The following MARCHF1 variants were observed in gnomAD, a reference collection of about 807,000 sequenced individuals.
MARCHF1 encodes membrane associated ring-CH-type finger 1, also known as E3 ubiquitin-protein ligase MARCHF1.
A neutral mutation model predicts 54.2 loss-of-function variants in MARCHF1; 40 were observed. The observed-to-expected ratio is 0.74, with a 90% CI of 0.57 to 0.96. MARCHF1 has a LOEUF of 0.96. Among genes scored for constraint, MARCHF1 ranks in the 40% least tolerant of loss-of-function variants. MARCHF1 has a pLI of 0.00. For synonymous variants in MARCHF1, 236 were observed against 236.3 expected (o/e 1.00, Z 0.01); for missense variants, 586 against 656.5 (o/e 0.89, Z 1.17).
chr4:164,232,568 G>A (rs111315040), intron 1 of MARCHF1, among the ~76,000 whole-genome samples: 10 of 152,234 alleles, frequency 6.6e-5, no homozygotes, highest in South Asian at 2.1e-4. Flanking sequence ...ACCCTTGGCC[G>A]ATATGCAGCC....
At chr4:163,912,819 G>A (rs1014200999) in intron 3 of MARCHF1, among the ~76,000 whole-genome samples, 2 of 152,076 alleles carry the variant, frequency 1.3e-5, no homozygotes, top group African/African-American at 2.4e-5. Context: ...ATTTCTGCAG[G>A]AATAACAGAA....
At chr4:164,222,305 G>T (rs1323122087) in intron 1 of MARCHF1, among the ~76,000 whole-genome samples, 1 of 148,552 alleles carries the variant, frequency 6.7e-6, no homozygotes, top group East Asian at 2.0e-4. Context: ...TGTTCATTTT[G>T]ATTGTTTCTT....
chr4:164,135,926 C>T (rs1756391939), intron 1 of MARCHF1, among the ~76,000 whole-genome samples: 1 of 151,824 alleles, frequency 6.6e-6, no homozygotes, highest in Admixed American at 6.6e-5. Context: ...TTCTAAAGGC[C>T]CAAAGGTAAA....
In MARCHF1 at chr4:163,788,104, T is replaced by A. The variant is rs146662576; in HGVS notation, c.111+65917A>T. On this transcript the variant is annotated intron_variant, in intron 4 of 9. Transcript: ENST00000514618. ...AAATTAGAGTTTAATGGGAATAGAT[T>A]TTCAGATTTGCGTGATGGAAAAAGT... is the stretch of plus-strand genomic sequence containing the variant. Among the ~76,000 whole-genome samples the A allele has an allele frequency of 9.9e-3, 1,509 of 151,966 alleles. 15 individuals carry two copies. Among genetic ancestry groups the A allele is most frequent in the Admixed American group, 0.016 (237 of 15,214 alleles).
intron 1 of MARCHF1, among the ~76,000 whole-genome samples, chr4:164,152,574 T>C (rs1193257545): frequency 3.3e-5 from 5 of 152,152 alleles, no homozygotes; most frequent in African/African-American, 1.2e-4. Context: ...CCCTGCAAAG[T>C]CTCTTGGGGG....
intron 5 of MARCHF1, among the ~76,000 whole-genome samples, chr4:163,622,025 C>A (rs146836289): frequency 4.4e-4 from 67 of 152,094 alleles, no homozygotes; most frequent in African/African-American, 1.6e-3. Context: ...TAGTTCCCTC[C>A]CACCCCCAGC....
intron 2 of MARCHF1, among the ~76,000 whole-genome samples, chr4:164,104,111 T>G (rs1389364447): frequency 1.3e-3 from 194 of 150,092 alleles, no homozygotes; most frequent in African/African-American, 4.6e-3. Flanking sequence ...GCTGAAATTG[T>G]GGCAATAATC....
chr4:164,077,559 A>C (rs1196452005), intron 2 of MARCHF1, among the ~76,000 whole-genome samples: 1 of 152,264 alleles, frequency 6.6e-6, no homozygotes, highest in Non-Finnish European at 1.5e-5. Flanking sequence ...GAGCTTCTGC[A>C]CAGCAAAAGA....
intron 1 of MARCHF1, among the ~76,000 whole-genome samples, chr4:164,164,886 A>G (rs548911331): frequency 1.3e-5 from 2 of 152,088 alleles, no homozygotes; most frequent in South Asian, 4.1e-4. Context: ...GCCAAGTAAG[A>G]CCCTCCTCAA....
intron 4 of MARCHF1, among the ~76,000 whole-genome samples, chr4:163,724,177 C>T (rs905625944): frequency 2.0e-5 from 3 of 152,124 alleles, no homozygotes; most frequent in Non-Finnish European, 4.4e-5. Flanking sequence ...GGTCTTTGAT[C>T]ATGGTGATGT....
chr4:163,736,347 G>A (rs547965106), intron 4 of MARCHF1, among the ~76,000 whole-genome samples: 1 of 152,256 alleles, frequency 6.6e-6, no homozygotes, highest in African/African-American at 2.4e-5. Flanking sequence ...TTGACAGCAT[G>A]CATACACTAG....
chr4:163,724,400 G>A (rs1263074445), intron 4 of MARCHF1, among the ~76,000 whole-genome samples: 3 of 152,232 alleles, frequency 2.0e-5, no homozygotes, highest in Non-Finnish European at 2.9e-5. Flanking sequence ...CCGGCTGTGT[G>A]AGGTGTCAGT....
Position 164,176,980 on chromosome 4 carries a change from C to CTATATATATA in MARCHF1, c.-322-65328_-322-65319dup, listed in dbSNP as rs71595261. Among the ~76,000 whole-genome samples, 55 of 58,892 alleles carry CTATATATATA rather than the reference C, an allele frequency of 9.3e-4. 2 individuals are homozygous for CTATATATATA. The highest frequency in any genetic ancestry group is 3.2e-3 in the African/African-American group (44 of 13,850). The allele number at this position is 58,892 out of a possible 152,430, so 38.6% of individuals were successfully genotyped here. On this transcript the variant is annotated intron_variant, in intron 1 of 9. Transcript: ENST00000514618. ...TCTCTCTCTCTCTCTCTCTCTCTCT[C>CTATATATATA]TATATATATATATATATATATATAT...
intron 9 of MARCHF1, among the ~76,000 whole-genome samples, chr4:163,543,838 C>T (rs1185005440): frequency 2.4e-4 from 36 of 152,164 alleles, no homozygotes; most frequent in Admixed American, 2.2e-3. Flanking sequence ...ACGAGAAGGG[C>T]TCTTAATTTT....
intron 3 of MARCHF1, among the ~76,000 whole-genome samples, chr4:163,887,472 A>G (rs1455684879): frequency 6.6e-6 from 1 of 152,156 alleles, no homozygotes; most frequent in Admixed American, 6.6e-5. Context: ...AGGGACCAGC[A>G]GCACCAGCAT....
Position 164,383,886 on chromosome 4 carries a change from A to T in MARCHF1, c.-339T>A, listed in dbSNP as rs1731450274. 1 of 152,444 alleles carries T rather than the reference A, an allele frequency of 6.6e-6. No homozygotes were observed. The highest frequency in any genetic ancestry group is 2.4e-5 in the African/African-American group (1 of 41,466). 9.4% of individuals were successfully genotyped at this position (152,444 alleles called of 1,614,324 possible). A position where few individuals can be genotyped will look rare whatever the true frequency, so the allele number is the denominator to read the frequency against. Reference sequence around the variant, plus strand: ...GTCACTTACCGGCGGAGGGTGAAGTAGCTCAGGCGGCCGCCAGGCTGCGTG... The same window carrying T: ...GTCACTTACCGGCGGAGGGTGAAGTTGCTCAGGCGGCCGCCAGGCTGCGTG... On this transcript the variant is annotated 5_prime_UTR_variant, in exon 1 of 10. Coordinates refer to ENST00000514618, the MANE Select transcript of MARCHF1 (RefSeq NM_001394959.1).
rs1732655551 is a variant in MARCHF1 at position 164,239,208 on chromosome 4, T to C, written c.-322-127546A>G. Among the ~76,000 whole-genome samples, 4 of 152,060 alleles carry C rather than the reference T, an allele frequency of 2.6e-5. No individual in the cohort carries two copies. In the South Asian group the frequency reaches 8.3e-4, roughly 31 times the overall value. On this transcript the variant is annotated intron_variant, in intron 1 of 9. Coordinates refer to ENST00000514618, the MANE Select transcript of MARCHF1 (RefSeq NM_001394959.1). ...GTGGACTTTGGTCCCATTTAAATTG[T>C]GTATCAAAGAAAAGTGAATAATCTC... is the stretch of plus-strand genomic sequence containing the variant.
chr4:163,798,102 A>G (rs1747971857), intron 4 of MARCHF1, among the ~76,000 whole-genome samples: 1 of 152,210 alleles, frequency 6.6e-6, no homozygotes, highest in Non-Finnish European at 1.5e-5. Context: ...AATGTGGCTT[A>G]TATTTGGATA....
intron 5 of MARCHF1, among the ~76,000 whole-genome samples, chr4:163,663,541 T>C (rs1476179675): frequency 2.0e-5 from 3 of 152,106 alleles, no homozygotes; most frequent in Admixed American, 6.6e-5. Flanking sequence ...GTCTGCAACA[T>C]TGCTTGTCTC....
Sources: gnomAD v4.1 joint callset for allele counts (sites outside exome capture counted in the v4.1 genomes callset) on GRCh38, gnomAD v4.1.1 for gene constraint, MANE v1.5 for transcripts, NCBI Gene and HGNC (gene_info 2026-07-23, HGNC 2026-07-21) for gene names.